The following TNIP3 variants were observed in gnomAD, a reference collection of about 807,000 sequenced individuals.
TNIP3 encodes TNFAIP3 interacting protein 3, also known as TNFAIP3-interacting protein 3.
A neutral mutation model predicts 54.1 loss-of-function variants in TNIP3; 34 were observed. The observed-to-expected ratio is 0.63, with a 90% CI of 0.48 to 0.84. TNIP3 has a LOEUF of 0.84. Ranked by LOEUF, TNIP3 falls within the 40% of genes least tolerant of loss-of-function variation. The pLI is 0.00. For synonymous variants in TNIP3, 134 were observed against 136.8 expected, an observed-to-expected ratio of 0.98 and a Z score of 0.14; for missense variants, 366 against 387.6, an observed-to-expected ratio of 0.94 and a Z score of 0.47.
chr4:121,182,897 A>G, intron 2 of TNIP3: 1 of 1,169,784 alleles, frequency 8.5e-7, no homozygotes, highest in Non-Finnish European at 1.2e-6. Context: ...TTATTTATGT[A>G]TGATACTTCT....
At chr4:121,155,642 A>G (rs1174210674) in intron 4 of TNIP3, among the ~76,000 whole-genome samples, 3 of 152,222 alleles carry the variant, frequency 2.0e-5, no homozygotes, top group Non-Finnish European at 4.4e-5. Context: ...CAGGCTCTGG[A>G]TTCAGACAAT....
At chr4:121,226,277 G>C (rs1472256403) in intron 1 of TNIP3, among the ~76,000 whole-genome samples, 3 of 152,076 alleles carry the variant, frequency 2.0e-5, no homozygotes, top group Non-Finnish European at 4.4e-5. Context: ...CAAAGAAAGA[G>C]AGACAGAGTG....
intron 2 of TNIP3, among the ~76,000 whole-genome samples, chr4:121,183,040 G>A (rs1394173893): frequency 6.6e-6 from 1 of 152,186 alleles, no homozygotes; most frequent in Non-Finnish European, 1.5e-5. Flanking sequence ...TTCAGTCTGA[G>A]AACAATGGCA....
chr4:121,165,659 TTGTGTGTGTGTGTG>T (rs67730856), upstream of TNIP3, among the ~76,000 whole-genome samples: 8 of 146,804 alleles, frequency 5.4e-5, no homozygotes, highest in African/African-American at 2.0e-4. Flanking sequence ...TTTTGCTAGT[TTGTGTGTGTGTGTG>T]TGTGTGTGTG....
At chr4:121,209,454 G>A (rs1441319477) in intron 2 of TNIP3, among the ~76,000 whole-genome samples, 2 of 152,092 alleles carry the variant, frequency 1.3e-5, no homozygotes, top group Non-Finnish European at 2.9e-5. Context: ...TTGAATTATT[G>A]GACACATAGT....
intron 5 of TNIP3, among the ~76,000 whole-genome samples, chr4:121,152,066 T>C (rs144411826): frequency 1.3e-5 from 2 of 152,290 alleles, no homozygotes; most frequent in African/African-American, 4.8e-5. Context: ...ATAAATTGAA[T>C]AGAGTACACA....
At chr4:121,171,555 A>G (rs1723940586) in intron 3 of TNIP3, among the ~76,000 whole-genome samples, 1 of 152,158 alleles carries the variant, frequency 6.6e-6, no homozygotes, top group South Asian at 2.1e-4. Context: ...TAACCAATAA[A>G]ACAAATTAGT....
chr4:121,141,832 T>G lies in TNIP3; in HGVS notation c.869A>C (p.Lys290Thr), dbSNP rs1406505541. 6.4e-7 allele frequency: 1 copy of G among 1,572,832 alleles called. No homozygotes were observed. The highest frequency in any genetic ancestry group is 1.4e-5 in the African/African-American group (1 of 72,942). ...WVPTGPGAVQ[K>T]QREHPPDYQW... ...CTTACTTACTGGGTGCTCCCGTTGC[T>G]TCTGCACAGCTCCAGGGCCTGTTGG... Residue 290 changes from lysine (K) to threonine (T), a missense_variant, in exon 9 of 11, where the codon AAG becomes ACG. Coordinates refer to ENST00000057513, the MANE Select transcript of TNIP3 (RefSeq NM_024873.6).
chr4:121,176,960 G>A (rs1724397184), intron 3 of TNIP3, among the ~76,000 whole-genome samples: 1 of 152,186 alleles, frequency 6.6e-6, no homozygotes. Context: ...CTGCCTCTAA[G>A]TTAAAATCAG....
chr4:121,184,972 G>C (rs1438952507), intron 2 of TNIP3, among the ~76,000 whole-genome samples: 1 of 152,134 alleles, frequency 6.6e-6, no homozygotes, highest in Non-Finnish European at 1.5e-5. Context: ...AACAGAATTG[G>C]ACTAGTCTAA....
intron 4 of TNIP3, 120 bp downstream of exon 4, chr4:121,156,974 A>T: frequency 7.5e-7 from 1 of 1,327,212 alleles, no homozygotes; most frequent in Non-Finnish European, 1.0e-6. Context: ...ACCCTTGCAC[A>T]TCGGTCGTTG....
intron 2 of TNIP3, among the ~76,000 whole-genome samples, chr4:121,201,143 G>A (rs753832759): frequency 5.3e-5 from 8 of 152,106 alleles, no homozygotes; most frequent in Non-Finnish European, 1.2e-4. Flanking sequence ...TGAGTAGGGG[G>A]CAGGAAAGAA....
chr4:121,164,227 A>C lies in TNIP3; in HGVS notation c.-102T>G, dbSNP rs1333058561. 3.8e-6 allele frequency: 6 copies of C among 1,575,374 alleles called. No individual in the cohort carries two copies. In the African/African-American group the frequency reaches 5.5e-5, roughly 14 times the overall value. ...GAGAGCAAGTATACAAAATTTAAAA[A>C]ACACACATCACCGTTAACTCATAAT... On this transcript the variant is annotated 5_prime_UTR_variant, in exon 1 of 11. Transcript: ENST00000057513.
intron 1 of TNIP3, among the ~76,000 whole-genome samples, chr4:121,225,575 G>A (rs1467744438): frequency 1.3e-5 from 2 of 152,188 alleles, no homozygotes; most frequent in African/African-American, 4.8e-5. Context: ...TGAGTAATAG[G>A]TGTTCCTCTA....
chr4:121,135,170 G>A (rs186641229), intron 10 of TNIP3, among the ~76,000 whole-genome samples: 1 of 152,230 alleles, frequency 6.6e-6, no homozygotes, highest in East Asian at 1.9e-4. Context: ...ATTGTAAATT[G>A]TACTTTGGTT....
At chr4:121,180,127 G>A (rs1272634300) in intron 3 of TNIP3, among the ~76,000 whole-genome samples, 17 of 152,126 alleles carry the variant, frequency 1.1e-4, no homozygotes, top group Admixed American at 8.5e-4. Flanking sequence ...CGGGCTGGGC[G>A]CGGTGGCTCA....
intron 2 of TNIP3, among the ~76,000 whole-genome samples, chr4:121,202,648 A>G (rs13133221): frequency 0.23 from 35,230 of 151,662 alleles, 4,272 homozygotes; most frequent in Middle Eastern, 0.28. Context: ...CAGACAACCC[A>G]GAGTGGGAGA....
At chr4:121,186,706 G>A (rs1725041854) in intron 2 of TNIP3, among the ~76,000 whole-genome samples, 1 of 152,066 alleles carries the variant, frequency 6.6e-6, no homozygotes, top group Non-Finnish European at 1.5e-5. Flanking sequence ...TTATTCTGAG[G>A]GTGTGGAATA....
intron 6 of TNIP3, among the ~76,000 whole-genome samples, chr4:121,148,371 A>G (rs1458416866): frequency 5.3e-5 from 8 of 152,238 alleles, no homozygotes; most frequent in African/African-American, 1.9e-4. Context: ...CACAGGGTTT[A>G]TGAAAAAAGA....
Sources: allele counts gnomAD v4.1 joint callset (sites outside exome capture counted in the v4.1 genomes callset), GRCh38; gene constraint gnomAD v4.1.1; transcripts MANE v1.5; gene names NCBI Gene and HGNC (gene_info 2026-07-23, HGNC 2026-07-21).